The following CENPP variants were observed in gnomAD, a reference collection of about 807,000 sequenced individuals.
CENPP encodes centromere protein P.
A neutral mutation model predicts 35.6 loss-of-function variants in CENPP; 24 were observed. That is an observed-to-expected ratio of 0.67 (90% CI 0.49 to 0.95). The LOEUF is 0.95. Ranked by LOEUF, CENPP falls within the 40% of genes least tolerant of loss-of-function variation. The pLI, the probability that CENPP is intolerant of heterozygous loss-of-function variation, is 0.00. For missense variants in CENPP, 332 were observed against 345.3 expected (o/e 0.96, Z 0.31); for synonymous variants, 120 against 125.5 (o/e 0.96, Z 0.29).
At chr9:92,352,503 G>GTATATATA (rs1554753073) in intron 4 of CENPP, among the ~76,000 whole-genome samples, 1 of 68,994 alleles carries the variant, frequency 1.4e-5, no homozygotes, top group Non-Finnish European at 2.5e-5. Flanking sequence ...GTGTGTGTGT[G>GTATATATA]TGTATACATA....
At chr9:92,611,476 A>G in intron 6 of CENPP, 83 bp downstream of exon 6, 1 of 1,064,598 alleles carries the variant, frequency 9.4e-7, no homozygotes, top group Non-Finnish European at 1.4e-6. Context: ...TAGGATTCTA[A>G]GTAGTAAACT....
chr9:92,470,423 AG>A (rs1845468850), intron 5 of CENPP, among the ~76,000 whole-genome samples: 1 of 152,218 alleles, frequency 6.6e-6, no homozygotes, highest in African/African-American at 2.4e-5. Flanking sequence ...AGCTTATTTG[AG>A]GACCATTAAA....
At chr9:92,592,233 C>A (rs564798965) in intron 5 of CENPP, among the ~76,000 whole-genome samples, 1 of 151,922 alleles carries the variant, frequency 6.6e-6, no homozygotes, top group South Asian at 2.1e-4. Context: ...ACTTGTATGA[C>A]CACCACTCCG....
At chr9:92,502,534 G>A (rs773854755) in intron 5 of CENPP, 3 of 1,612,852 alleles carry the variant, frequency 1.9e-6, no homozygotes, top group East Asian at 2.2e-5. Context: ...CCAGGCTAAA[G>A]GAGCAATCCT....
At chr9:92,384,338 T>G (rs1238208068) in intron 5 of CENPP, 2 of 152,126 alleles carry the variant, frequency 1.3e-5, no homozygotes, top group Non-Finnish European at 2.9e-5. Context: ...TGGGAATAAG[T>G]ATGTATTCTG....
chr9:92,545,414 G>A (rs761505146), intron 5 of CENPP, among the ~76,000 whole-genome samples: 2 of 152,182 alleles, frequency 1.3e-5, no homozygotes, highest in African/African-American at 4.8e-5. Flanking sequence ...CGGAGGGTGC[G>A]TCGGGTACCC....
At chr9:92,502,739 A>G (rs1348157544) in intron 5 of CENPP, 3 of 1,124,842 alleles carry the variant, frequency 2.7e-6, no homozygotes, top group East Asian at 2.6e-5. Context: ...GACATAGACT[A>G]TTATCATTAG....
intron 7 of CENPP, 24 bp from the exon 8 acceptor site, chr9:92,612,995 C>A: frequency 6.2e-7 from 1 of 1,613,490 alleles, no homozygotes; most frequent in Non-Finnish European, 8.5e-7. Context: ...AAGTTTCTTA[C>A]CCGGTTTAAT....
At chr9:92,438,142 T>C (rs1275438499) in intron 5 of CENPP, among the ~76,000 whole-genome samples, 2 of 152,196 alleles carry the variant, frequency 1.3e-5, no homozygotes, top group Admixed American at 1.3e-4. Context: ...TTTTTCATGC[T>C]TTTGGTGTCA....
chr9:92,613,432 G>A lies in CENPP; in HGVS notation c.*283G>A, dbSNP rs41305489. 0.021 allele frequency: 7,375 copies of A among 346,262 alleles called. 150 individuals are homozygous for A. Among genetic ancestry groups the A allele is most frequent in the South Asian group, 0.052 (1,921 of 36,764 alleles). The allele number at this position is 346,262 out of a possible 1,614,324, so 21.4% of individuals were successfully genotyped here. ...GGTTGTGTGTCCTCAGATGTGTGGG[G>A]AGGATCCATCCCCCACCCACTGCAG... On this transcript the variant is annotated 3_prime_UTR_variant, in exon 8 of 8. Coordinates refer to ENST00000375587, the MANE Select transcript of CENPP (RefSeq NM_001012267.3).
intron 5 of CENPP, chr9:92,511,884 A>C: frequency 1.6e-6 from 1 of 622,612 alleles, no homozygotes; most frequent in South Asian, 2.2e-5. Context: ...GACATCAGAG[A>C]GGAAACTTTC....
At chr9:92,492,322 C>T (rs1185289631) in intron 5 of CENPP, among the ~76,000 whole-genome samples, 1 of 152,158 alleles carries the variant, frequency 6.6e-6, no homozygotes, top group African/African-American at 2.4e-5. Context: ...TTCCAAGTCA[C>T]TTTAAAGATT....
At chr9:92,584,426 G>A (rs1850496973) in intron 5 of CENPP, among the ~76,000 whole-genome samples, 1 of 152,178 alleles carries the variant, frequency 6.6e-6, no homozygotes, top group Non-Finnish European at 1.5e-5. Context: ...ACGGCTCACT[G>A]CAGCCTTGAC....
intron 4 of CENPP, among the ~76,000 whole-genome samples, chr9:92,373,842 A>G (rs1451522085): frequency 6.6e-6 from 1 of 152,078 alleles, no homozygotes; most frequent in Non-Finnish European, 1.5e-5. Flanking sequence ...AAAAAAATCA[A>G]TGTTTTGAAT....
intron 5 of CENPP, among the ~76,000 whole-genome samples, chr9:92,567,397 G>GGATATATATATATATATATATATAT (rs1850018530): frequency 1.9e-5 from 1 of 51,584 alleles, no homozygotes; most frequent in Non-Finnish European, 3.9e-5. Flanking sequence ...TATATATATA[G>GGATATATATATATATATATATATAT]ATATATATAT....
At chr9:92,524,234 A>G (rs987853087) in intron 5 of CENPP, among the ~76,000 whole-genome samples, 2 of 152,212 alleles carry the variant, frequency 1.3e-5, no homozygotes, top group African/African-American at 2.4e-5. Context: ...AATAACAGTC[A>G]ATAGCATCAG....
chr9:92,469,995 A>C (rs1845450825), intron 5 of CENPP, among the ~76,000 whole-genome samples: 2 of 151,976 alleles, frequency 1.3e-5, no homozygotes, highest in African/African-American at 4.8e-5. Context: ...CATGCCAACT[A>C]ATTTTGTATT....
In CENPP at chr9:92,606,634, A is replaced by G. The variant is rs1218597067; in HGVS notation, c.565-4680A>G. ...CAAAAAGCCAAAAAGGGCAAGGCAC[A>G]GTGGCTCACGCCTGTAATCCCAACA... On this transcript the variant is annotated intron_variant, in intron 5 of 7. Transcript: ENST00000375587. Among the ~76,000 whole-genome samples the G allele has an allele frequency of 4.6e-5, 7 of 152,254 alleles. No individual in the cohort carries two copies. In the East Asian group the frequency reaches 5.8e-4, roughly 13 times the overall value.
chr9:92,337,996 C>A (rs1840984155), intron 3 of CENPP, among the ~76,000 whole-genome samples: 6 of 152,090 alleles, frequency 3.9e-5, no homozygotes, highest in Admixed American at 3.9e-4. Flanking sequence ...AACCAGTCTC[C>A]ATAATATTTA....
Sources: allele counts gnomAD v4.1 joint callset (sites outside exome capture counted in the v4.1 genomes callset), GRCh38; gene constraint gnomAD v4.1.1; transcripts MANE v1.5; gene names NCBI Gene and HGNC (gene_info 2026-07-23, HGNC 2026-07-21).